Variants in TXLNB observed in about 807,000 individuals in gnomAD.
TXLNB encodes beta-taxilin.
TXLNB carries 37 observed loss-of-function variants against 57.4 expected under a neutral mutation model. The ratio of observed to expected loss-of-function variants is 0.64; its 90% CI spans 0.50 to 0.85. The LOEUF (loss-of-function observed/expected upper bound fraction) is 0.85. Ranked by LOEUF, TXLNB falls within the 40% of genes least tolerant of loss-of-function variation. TXLNB has a pLI of 0.00. For synonymous variants in TXLNB, 302 were observed against 309.6 expected (o/e 0.98, Z 0.26); for missense variants, 848 against 825.6 (o/e 1.03, Z -0.33).
At chr6:139,188,546 A>C in the TXLNB span, among the ~76,000 whole-genome samples, 1 of 152,234 alleles carries the variant, frequency 6.6e-6, no homozygotes, top group Admixed American at 6.5e-5. Context: ...ATTCTGACAA[A>C]GCATTTGACT....
At chr6:139,293,185 G>A (rs1221301293), upstream of TXLNB, among the ~76,000 whole-genome samples, 3 of 151,998 alleles carry the variant, frequency 2.0e-5, no homozygotes, top group Admixed American at 2.0e-4. Flanking sequence ...GCAACCTCCC[G>A]GGTTCAAGCG....
the TXLNB span, among the ~76,000 whole-genome samples, chr6:139,171,644 T>C: frequency 1.1e-3 from 167 of 152,310 alleles, 4 homozygotes; most frequent in South Asian, 0.033. Flanking sequence ...TTCTTTTTTT[T>C]TGAGTATCTC....
intron 3 of TXLNB, among the ~76,000 whole-genome samples, chr6:139,273,179 T>G (rs1278580574): frequency 1.3e-5 from 2 of 152,254 alleles, no homozygotes; most frequent in Non-Finnish European, 2.9e-5. Context: ...GCCAGATAAT[T>G]TTTTGTTGTT....
the TXLNB span, among the ~76,000 whole-genome samples, chr6:139,223,552 A>G: frequency 2.6e-5 from 4 of 152,186 alleles, no homozygotes; most frequent in Admixed American, 2.6e-4. Flanking sequence ...CTCATCTGAC[A>G]AAGGGCTAAT....
chr6:139,292,302 T>C (rs566785705), upstream of TXLNB, among the ~76,000 whole-genome samples: 103 of 152,368 alleles, frequency 6.8e-4, no homozygotes, highest in African/African-American at 2.3e-3. This position sits in a 1 kb window ranked among gnomAD's most constrained non-coding sequence, Gnocchi z 4.0. Flanking sequence ...AAATTTAAAC[T>C]CTGAGTATAT....
the TXLNB span, chr6:139,197,709 T>C: frequency 2.6e-5 from 4 of 152,220 alleles, no homozygotes; most frequent in Admixed American, 6.5e-5. Context: ...TGAGACTGGA[T>C]AATTCATAAT....
the TXLNB span, among the ~76,000 whole-genome samples, chr6:139,175,102 T>C: frequency 6.6e-6 from 1 of 152,220 alleles, no homozygotes; most frequent in Non-Finnish European, 1.5e-5. Context: ...AAGGAGGCAT[T>C]GTCTCATGCT....
chr6:139,310,923 G>A, the TXLNB span, among the ~76,000 whole-genome samples: 1 of 152,184 alleles, frequency 6.6e-6, no homozygotes, highest in African/African-American at 2.4e-5. Flanking sequence ...TCGAACTCCT[G>A]ACCTCAGGTG....
chr6:139,237,053 T>C (rs1180331214), downstream of TXLNB, among the ~76,000 whole-genome samples: 1 of 152,222 alleles, frequency 6.6e-6, no homozygotes. Flanking sequence ...ATTGCTATCC[T>C]GCTTCCCCAA....
chr6:139,164,080 A>ACTCT, the TXLNB span, among the ~76,000 whole-genome samples: 81,675 of 147,998 alleles, frequency 0.55, 23,123 homozygotes, highest in African/African-American at 0.63. Context: ...ACACACACAC[A>ACTCT]CTCTCTCTCT....
At chr6:139,164,106 TCTTCTCACA>T in the TXLNB span, among the ~76,000 whole-genome samples, 6 of 145,818 alleles carry the variant, frequency 4.1e-5, no homozygotes. Flanking sequence ...TCTCTGAGCA[TCTTCTCACA>T]CTGCTCCTGA....
At chr6:139,162,659 A>G in the TXLNB span, among the ~76,000 whole-genome samples, 1 of 152,228 alleles carries the variant, frequency 6.6e-6, no homozygotes, top group Non-Finnish European at 1.5e-5. Context: ...CTGGAATCCC[A>G]CACCTGAAGG....
chr6:139,245,806 C>T (rs1776053605), intron 8 of TXLNB, among the ~76,000 whole-genome samples: 1 of 152,184 alleles, frequency 6.6e-6, no homozygotes, highest in East Asian at 1.9e-4. Context: ...GATTCTCCTG[C>T]CTCAGCCTCC....
the TXLNB span, among the ~76,000 whole-genome samples, chr6:139,194,398 C>T: frequency 6.6e-6 from 1 of 152,206 alleles, no homozygotes; most frequent in African/African-American, 2.4e-5. Flanking sequence ...TTAGCATGTC[C>T]AACATTGAGT....
Position 139,262,593 on chromosome 6 carries a change from C to G in TXLNB, c.868G>C (p.Glu290Gln). 6.2e-7 allele frequency: 1 copy of G among 1,613,866 alleles called. No homozygotes were observed. Among genetic ancestry groups the G allele is most frequent in the Non-Finnish European group, 8.5e-7 (1 of 1,179,894 alleles). The change falls in exon 5 of 10, where the codon GAG (glutamate) becomes CAG (glutamine). Residue 290 changes from glutamate to glutamine, a missense_variant. Glu to Gln is a conservative substitution (Grantham distance 29). Transcript: ENST00000358430. ...GTGGTTCTCACCTCCTCTCTGAGCT[C>G]ATACTGATCGATGATGCTTTTCAGC... ...EKLKSIIDQY[E>Q]LREEHLDKIF...
intron 7 of TXLNB, among the ~76,000 whole-genome samples, chr6:139,254,558 C>T (rs1282095533): frequency 6.6e-6 from 1 of 152,190 alleles, no homozygotes; most frequent in Non-Finnish European, 1.5e-5. Flanking sequence ...TTATTTAGGA[C>T]AGGCAGAGCC....
chr6:139,226,680 A>G, the TXLNB span, among the ~76,000 whole-genome samples: 1 of 152,198 alleles, frequency 6.6e-6, no homozygotes, highest in African/African-American at 2.4e-5. Flanking sequence ...ACGCCTGACC[A>G]ATAACTATAG....
chr6:139,237,979 A>G (rs1376827178), downstream of TXLNB, among the ~76,000 whole-genome samples: 2 of 152,190 alleles, frequency 1.3e-5, no homozygotes, highest in Non-Finnish European at 2.9e-5. Context: ...CCATAGATCA[A>G]TGAATTTCTA....
chr6:139,172,629 G>T, the TXLNB span, among the ~76,000 whole-genome samples: 1 of 152,152 alleles, frequency 6.6e-6, no homozygotes, highest in African/African-American at 2.4e-5. Context: ...AAAATTCTCT[G>T]TGGTCAGGAC....
Sources: gnomAD v4.1 joint callset for allele counts (sites outside exome capture counted in the v4.1 genomes callset) on GRCh38, gnomAD v4.1.1 for gene constraint, Gnocchi (gnomAD v3.1) non-coding constraint, MANE v1.5 for transcripts, NCBI Gene and HGNC (gene_info 2026-07-23, HGNC 2026-07-21) for gene names.